DLG2: variants seen among roughly 807,000 people sequenced by gnomAD.
DLG2 encodes the protein disks large homolog 2.
In DLG2, 45 loss-of-function variants were observed where a neutral mutation model predicts 132.5. The observed-to-expected ratio is 0.34, with a 90% CI of 0.27 to 0.44. The LOEUF (loss-of-function observed/expected upper bound fraction) is 0.44. Among genes scored for constraint, DLG2 ranks in the 20% least tolerant of loss-of-function variants. The pLI is 1.00. For synonymous variants in DLG2, 424 were observed against 419.6 expected (o/e 1.01, Z -0.13); for missense variants, 1,045 against 1,196.9 (o/e 0.87, Z 1.87).
chr11:85,011,402 T>C lies in DLG2; in HGVS notation c.357+100259A>G, dbSNP rs186693619. Among the ~76,000 whole-genome samples, 289 of 152,282 alleles carry C rather than the reference T, an allele frequency of 1.9e-3. 1 individual carries two copies. Among genetic ancestry groups the C allele is most frequent in the African/African-American group, 6.8e-3 (281 of 41,562 alleles). ...GGATGATGTAATCTATCTAAGTCAT[T>C]GGCACTACATAGAAATATACTGCAA... On this transcript the variant is annotated intron_variant, in intron 6 of 27. Transcript: ENST00000376104.
chr11:85,428,997 C>A (rs1396381427), intron 3 of DLG2, among the ~76,000 whole-genome samples: 1 of 152,124 alleles, frequency 6.6e-6, no homozygotes, highest in Non-Finnish European at 1.5e-5. Context: ...ATACTATAAA[C>A]ACCTCTATGC....
chr11:85,075,356 A>G (rs769821551), intron 6 of DLG2, among the ~76,000 whole-genome samples: 1 of 151,882 alleles, frequency 6.6e-6, no homozygotes, highest in Non-Finnish European at 1.5e-5. Context: ...GTGTCTAAGG[A>G]TGTTCATTGC....
At chr11:84,530,184 T>G (rs1375829640) in intron 7 of DLG2, among the ~76,000 whole-genome samples, 2 of 152,034 alleles carry the variant, frequency 1.3e-5, no homozygotes, top group East Asian at 3.9e-4. Flanking sequence ...CCTAAAACTA[T>G]AAACACCCAG....
chr11:84,287,723 A>C (rs12577267), intron 7 of DLG2, among the ~76,000 whole-genome samples: 17,163 of 136,518 alleles, frequency 0.13, 1,055 homozygotes, highest in Admixed American at 0.2. Flanking sequence ...CTCTCCCTCC[A>C]TATTTTTCTC....
chr11:85,051,002 G>A (rs1373895370), intron 6 of DLG2, among the ~76,000 whole-genome samples: 1 of 152,108 alleles, frequency 6.6e-6, no homozygotes, highest in Non-Finnish European at 1.5e-5. Flanking sequence ...GATTAAGCGA[G>A]ACAGCCAAGC....
At chr11:84,067,922 T>C (rs954872323) in intron 10 of DLG2, among the ~76,000 whole-genome samples, 11 of 152,204 alleles carry the variant, frequency 7.2e-5, no homozygotes, top group African/African-American at 2.4e-4. Flanking sequence ...TGAGGCTTTT[T>C]TTTCCAGCAA....
chr11:83,960,872 T>C (rs1038521958), intron 14 of DLG2, among the ~76,000 whole-genome samples: 1 of 152,018 alleles, frequency 6.6e-6, no homozygotes, highest in African/African-American at 2.4e-5. Context: ...TGTATGTGTA[T>C]GTTTATGTGT....
chr11:84,114,590 G>T (rs2093537344), intron 9 of DLG2, among the ~76,000 whole-genome samples: 1 of 152,190 alleles, frequency 6.6e-6, no homozygotes, highest in Non-Finnish European at 1.5e-5. Flanking sequence ...AACTCCTAAA[G>T]AGAAAAGATT....
intron 6 of DLG2, among the ~76,000 whole-genome samples, chr11:85,051,631 G>C (rs2062902031): frequency 6.6e-6 from 1 of 152,136 alleles, no homozygotes; most frequent in South Asian, 2.1e-4. Flanking sequence ...GAAAATGTTT[G>C]AATACATTTA....
At chr11:84,132,452 A>G (rs1021834611) in intron 9 of DLG2, among the ~76,000 whole-genome samples, 1 of 151,978 alleles carries the variant, frequency 6.6e-6, no homozygotes, top group African/African-American at 2.4e-5. Flanking sequence ...TCAGTTGGCA[A>G]TGATTCCTGA....
chr11:85,399,325 G>A (rs2087779047), intron 3 of DLG2, among the ~76,000 whole-genome samples: 1 of 152,268 alleles, frequency 6.6e-6, no homozygotes, highest in East Asian at 1.9e-4. Flanking sequence ...TGGGTAGGAA[G>A]AATCAATATC....
rs190623124 is a variant in DLG2 at position 85,110,865 on chromosome 11, G to C, written c.357+796C>G. On this transcript the variant is annotated intron_variant, in intron 6 of 27. Coordinates refer to ENST00000376104, the MANE Select transcript of DLG2 (RefSeq NM_001142699.3). ...AGTCAAATGAGGAGAATTTCCAAAAGGTAACTTTCTAATTTTTTGTCTCCA... is the reference window on the plus strand; with the variant it reads ...AGTCAAATGAGGAGAATTTCCAAAACGTAACTTTCTAATTTTTTGTCTCCA... 5.9e-5 allele frequency among the ~76,000 whole-genome samples: 9 copies of C among 152,174 alleles called. No homozygotes were observed. The East Asian group carries it at 1.7e-3, about 29-fold the overall frequency.
chr11:83,632,708 G>T (rs566801741), intron 19 of DLG2: 1 of 152,506 alleles, frequency 6.6e-6, no homozygotes, highest in East Asian at 1.9e-4. Flanking sequence ...AACTGGTAGC[G>T]AGATGACACA....
chr11:84,635,869 C>T (rs1225956336), intron 6 of DLG2, among the ~76,000 whole-genome samples: 2 of 152,130 alleles, frequency 1.3e-5, no homozygotes, highest in East Asian at 3.9e-4. Context: ...CAACACCATA[C>T]TGCCAAATTC....
intron 16 of DLG2, among the ~76,000 whole-genome samples, chr11:83,850,057 G>A (rs962105008): frequency 4.6e-5 from 7 of 151,908 alleles, no homozygotes; most frequent in South Asian, 2.1e-4. Context: ...TCATCCTAGG[G>A]GGACAGGGAG....
At chr11:85,533,849 G>C (rs2075384884) in intron 3 of DLG2, among the ~76,000 whole-genome samples, 1 of 152,152 alleles carries the variant, frequency 6.6e-6, no homozygotes, top group South Asian at 2.1e-4. Context: ...AGTTTATACA[G>C]CTTTAGAGGA....
intron 19 of DLG2, chr11:83,632,112 G>A (rs1439533609): frequency 6.6e-6 from 1 of 152,110 alleles, no homozygotes; most frequent in African/African-American, 2.4e-5. Context: ...GGGACTCTAG[G>A]CTTATCAGTT....
chr11:85,379,457 T>A lies in DLG2; in HGVS notation c.41-94092A>T, dbSNP rs2152928301. On this transcript the variant is annotated intron_variant, in intron 3 of 27. Coordinates refer to ENST00000376104, the MANE Select transcript of DLG2 (RefSeq NM_001142699.3). ...TACATGTTCCTCAGAAAAAGCAGATTGACTTAAGAGTGGAACGATAATTTG... is the reference window on the plus strand; with the variant it reads ...TACATGTTCCTCAGAAAAAGCAGATAGACTTAAGAGTGGAACGATAATTTG... 1.3e-5 allele frequency among the ~76,000 whole-genome samples: 2 copies of A among 152,282 alleles called. 1 individual carries two copies. The highest frequency in any genetic ancestry group is 4.1e-4 in the South Asian group (2 of 4,820).
rs2058637351 is a variant in DLG2 at position 84,696,574 on chromosome 11, T to TG, written c.358-161844dup. ...GCAAGAGGCTTGAGGAGCAAGGAGG[T>TG]GAGTGGTGACAAACCAGGCAGAAAA... On this transcript the variant is annotated intron_variant, in intron 6 of 27. Coordinates refer to ENST00000376104, the MANE Select transcript of DLG2 (RefSeq NM_001142699.3). 6.6e-5 allele frequency among the ~76,000 whole-genome samples: 10 copies of TG among 150,942 alleles called. 1 individual carries two copies. In the South Asian group the frequency reaches 2.1e-3, roughly 32 times the overall value.
Sources: gnomAD v4.1 joint callset for allele counts (sites outside exome capture counted in the v4.1 genomes callset) on GRCh38, gnomAD v4.1.1 for gene constraint, MANE v1.5 for transcripts, NCBI Gene and HGNC (gene_info 2026-07-23, HGNC 2026-07-21) for gene names.